The following ABLIM1 variants were observed in gnomAD, a reference collection of about 807,000 sequenced individuals.
The protein encoded by ABLIM1 is actin-binding LIM protein 1.
In ABLIM1, 40 loss-of-function variants were observed where a neutral mutation model predicts 107.0. The ratio of observed to expected loss-of-function variants is 0.37; its 90% CI spans 0.29 to 0.49. ABLIM1 has a LOEUF of 0.49. ABLIM1 is among the 20% of genes least tolerant of loss of function. The pLI is 0.97. For synonymous variants in ABLIM1, 357 were observed against 357.3 expected, an observed-to-expected ratio of 1.00 and a Z score of 0.01; for missense variants, 857 against 1,008.5, an observed-to-expected ratio of 0.85 and a Z score of 2.04.
Position 114,591,620 on chromosome 10 carries a change from C to T in ABLIM1, c.379+10207G>A, listed in dbSNP as rs1017142173. ...GTGAAAAAATGCTGCGTCTGGGAAC[C>T]GCAAAAAAAAATTCTTCTTTCTCAT... On this transcript the variant is annotated intron_variant, in intron 2 of 22. Transcript: ENST00000533213. Among the ~76,000 whole-genome samples, 79 of 151,670 alleles carry T rather than the reference C, an allele frequency of 5.2e-4. 1 individual carries two copies. Among genetic ancestry groups the T allele is most frequent in the Non-Finnish European group, 1.9e-4 (13 of 67,914 alleles).
At chr10:114,671,637 G>T (rs1566213699) in intron 1 of ABLIM1, among the ~76,000 whole-genome samples, 1 of 152,202 alleles carries the variant, frequency 6.6e-6, no homozygotes, top group East Asian at 1.9e-4. Flanking sequence ...AGTATTGTCA[G>T]ACCTTCTAAT....
chr10:114,632,125 C>A, intron 1 of ABLIM1: 1 of 985,370 alleles, frequency 1.0e-6, no homozygotes, highest in South Asian at 4.7e-5. Context: ...ATCGCCCCCG[C>A]GCTCTTCTCC....
At chr10:114,475,869 T>C (rs2056298015) in intron 8 of ABLIM1, among the ~76,000 whole-genome samples, 1 of 152,224 alleles carries the variant, frequency 6.6e-6, no homozygotes, top group South Asian at 2.1e-4. Context: ...TCCTCCCCTC[T>C]GTTGCAGCCA....
intron 1 of ABLIM1, among the ~76,000 whole-genome samples, chr10:114,610,055 T>C (rs751999762): frequency 7.2e-5 from 11 of 152,240 alleles, no homozygotes; most frequent in Non-Finnish European, 1.0e-4. Context: ...GCTAGTCTAA[T>C]GTCCTCACTA....
intron 1 of ABLIM1, among the ~76,000 whole-genome samples, chr10:114,653,517 C>T (rs1362261714): frequency 1.3e-5 from 2 of 152,158 alleles, no homozygotes; most frequent in African/African-American, 2.4e-5. Flanking sequence ...GCACTCCAGC[C>T]TCAGAGACAG....
chr10:114,454,875 T>C (rs1489637800), intron 12 of ABLIM1, among the ~76,000 whole-genome samples: 2 of 152,196 alleles, frequency 1.3e-5, no homozygotes, highest in East Asian at 3.8e-4. Flanking sequence ...AGAAATAATA[T>C]GAACTTGCAA....
intron 4 of ABLIM1, among the ~76,000 whole-genome samples, chr10:114,551,773 G>A (rs142080223): frequency 7.9e-4 from 121 of 152,288 alleles, no homozygotes; most frequent in African/African-American, 2.8e-3. Flanking sequence ...CAGGTACCAC[G>A]TGAGGGCTTT....
intron 7 of ABLIM1, 47 bp from the exon 8 acceptor site, chr10:114,488,063 ACAAAGTCCTC>A: frequency 6.3e-7 from 1 of 1,598,752 alleles, no homozygotes; most frequent in Non-Finnish European, 8.6e-7. Context: ...ATGGAAAGAT[ACAAAGTCCTC>A]TGAGACAGCA....
chr10:114,785,614 A>G, the ABLIM1 span, among the ~76,000 whole-genome samples: 1 of 152,226 alleles, frequency 6.6e-6, no homozygotes, highest in Non-Finnish European at 1.5e-5. Flanking sequence ...TTATTCATGT[A>G]TAAATACAAC....
intron 1 of ABLIM1, among the ~76,000 whole-genome samples, chr10:114,711,678 C>G (rs981994228): frequency 6.6e-6 from 1 of 152,166 alleles, no homozygotes; most frequent in African/African-American, 2.4e-5. Flanking sequence ...TTGCTTACCC[C>G]TAGGCCTAAA....
At chr10:114,734,684 TTATCC>T (rs2082144251) in intron 1 of ABLIM1, among the ~76,000 whole-genome samples, 1 of 152,210 alleles carries the variant, frequency 6.6e-6, no homozygotes, top group Non-Finnish European at 1.5e-5. Context: ...GTGACATGAC[TTATCC>T]TGGCACCAAA....
At chr10:114,646,474 T>C (rs2079017314) in intron 1 of ABLIM1, among the ~76,000 whole-genome samples, 1 of 152,232 alleles carries the variant, frequency 6.6e-6, no homozygotes, top group African/African-American at 2.4e-5. Context: ...ACAAGTGGTA[T>C]AGAGATCAAA....
At chr10:114,461,046 C>G (rs531863457) in intron 12 of ABLIM1, among the ~76,000 whole-genome samples, 1 of 151,986 alleles carries the variant, frequency 6.6e-6, no homozygotes, top group African/African-American at 2.4e-5. Flanking sequence ...TCAGAAATAA[C>G]CAAAATCTTT....
chr10:114,633,591 C>G (rs933910832), intron 1 of ABLIM1, among the ~76,000 whole-genome samples: 5 of 152,184 alleles, frequency 3.3e-5, no homozygotes, highest in African/African-American at 4.8e-5. Flanking sequence ...AAGTCAGCAG[C>G]CAGCTGGAGT....
chr10:114,589,540 AAG>A (rs201195402), intron 2 of ABLIM1, among the ~76,000 whole-genome samples: 1 of 149,560 alleles, frequency 6.7e-6, no homozygotes, highest in African/African-American at 2.4e-5. Flanking sequence ...AAAAAAAAAA[AAG>A]AGAGAGAGAG....
intron 1 of ABLIM1, among the ~76,000 whole-genome samples, chr10:114,642,517 GAAGA>G (rs754087642): frequency 3.3e-5 from 5 of 152,138 alleles, no homozygotes; most frequent in Non-Finnish European, 4.4e-5. Flanking sequence ...AATGAATGCA[GAAGA>G]AAGAGCCTCA....
At chr10:114,648,323 C>G (rs2079092206) in intron 1 of ABLIM1, among the ~76,000 whole-genome samples, 1 of 152,132 alleles carries the variant, frequency 6.6e-6, no homozygotes, top group South Asian at 2.1e-4. Context: ...TGATATATCC[C>G]TACAATGGGA....
intron 1 of ABLIM1, among the ~76,000 whole-genome samples, chr10:114,695,407 G>A (rs2081174496): frequency 6.6e-6 from 1 of 152,144 alleles, no homozygotes; most frequent in Non-Finnish European, 1.5e-5. Flanking sequence ...TTATAGAGGA[G>A]AGAACTGAGG....
chr10:114,634,679 T>TC (rs1055513496), intron 1 of ABLIM1, among the ~76,000 whole-genome samples: 39 of 151,726 alleles, frequency 2.6e-4, no homozygotes, highest in African/African-American at 9.2e-4. Context: ...AGAGAGATTT[T>TC]CCCCCCGCCT....
Sources: gnomAD v4.1 joint callset for allele counts (sites outside exome capture counted in the v4.1 genomes callset) on GRCh38, gnomAD v4.1.1 for gene constraint, MANE v1.5 for transcripts, NCBI Gene and HGNC (gene_info 2026-07-23, HGNC 2026-07-21) for gene names.